The following ZIM3 variants were observed in gnomAD, a reference collection of about 807,000 sequenced individuals.
ZIM3 encodes the protein zinc finger imprinted 3.
Under a neutral mutation model 12.9 loss-of-function variants are expected in ZIM3, and 11 were observed. The ratio of observed to expected loss-of-function variants is 0.85; its 90% confidence interval spans 0.54 to 1.41. The LOEUF (loss-of-function observed/expected upper bound fraction) is 1.41, where lower values mean the gene tolerates loss of function less well. ZIM3 is among the 40% of genes most tolerant of loss of function. The probability of loss-of-function intolerance (pLI) is 0.00; values close to 1 mark genes in which losing one functional copy is unlikely to be tolerated. For missense variants in ZIM3, 604 were observed against 557.2 expected, an observed-to-expected ratio of 1.08 and a Z score of -0.85; for synonymous variants, 205 against 198.5, an observed-to-expected ratio of 1.03 and a Z score of -0.28.
intron 2 of ZIM3, among the ~76,000 whole-genome samples, chr19:57,140,243 C>A (rs1171490669): frequency 6.6e-6 from 1 of 152,122 alleles, no homozygotes; most frequent in Non-Finnish European, 1.5e-5. Context: ...GTGGCACAAT[C>A]TCGGCTCACT....
At position 57,138,549 on chromosome 19, in the gene ZIM3, C is replaced by A. The variant is rs1159435152; in HGVS notation, c.65G>T (p.Trp22Leu). 3 of 1,614,014 alleles carry A rather than the reference C, an allele frequency of 1.9e-6. No homozygotes were observed. Among genetic ancestry groups the A allele is most frequent in the Non-Finnish European group, 2.5e-6 (3 of 1,180,016 alleles). ...DVTVNFTQGE[W>L]QRLNPEQRNL... ...TCTCTGTTCGGGATTCAGCCGCTGCCACTCCCCCTGGGTGAAGTTCACAGT... is the reference window on the plus strand; with the variant it reads ...TCTCTGTTCGGGATTCAGCCGCTGCAACTCCCCCTGGGTGAAGTTCACAGT... Residue 22 changes from tryptophan to leucine, a missense_variant, in exon 3 of 5, where the codon TGG (tryptophan) becomes TTG (leucine). Trp to Leu is a moderately conservative substitution (Grantham distance 61). Transcript: ENST00000269834.
intron 1 of ZIM3, among the ~76,000 whole-genome samples, chr19:57,144,516 A>G (rs1028729811): frequency 6.6e-6 from 1 of 152,208 alleles, no homozygotes; most frequent in African/African-American, 2.4e-5. Context: ...TAGATTAATT[A>G]GCTTGATTTA....
At chr19:57,142,603 G>C in intron 2 of ZIM3, 26 bp downstream of exon 2, 1 of 1,612,808 alleles carries the variant, frequency 6.2e-7, no homozygotes, top group South Asian at 1.1e-5. Flanking sequence ...TTCATTATGA[G>C]ATTTAGATTT....
chr19:57,141,099 C>A (rs1032276558), intron 2 of ZIM3, among the ~76,000 whole-genome samples: 2 of 151,992 alleles, frequency 1.3e-5, no homozygotes, highest in African/African-American at 4.8e-5. Flanking sequence ...GAGCAATGGT[C>A]AAAAGATGCT....
intron 2 of ZIM3, 67 bp from the exon 3 acceptor site, chr19:57,138,665 T>C: frequency 6.4e-7 from 1 of 1,569,874 alleles, no homozygotes; most frequent in Non-Finnish European, 8.7e-7. Flanking sequence ...ATACAGAAAC[T>C]TGTTTCTGCT....
chr19:57,141,411 A>G (rs2086913397), intron 2 of ZIM3, among the ~76,000 whole-genome samples: 1 of 151,306 alleles, frequency 6.6e-6, no homozygotes, highest in East Asian at 1.9e-4. Flanking sequence ...AAAAAAAAAA[A>G]AAAAAAAAAA....
In ZIM3 at chr19:57,138,553, C is replaced by T. The variant is rs768960598; in HGVS notation, c.61G>A (p.Glu21Lys). ...TGTTCGGGATTCAGCCGCTGCCACT[C>T]CCCCTGGGTGAAGTTCACAGTGACA... is the stretch of plus-strand genomic sequence containing the variant. ...EDVTVNFTQG[E>K]WQRLNPEQRN... The change falls in exon 3 of 5, where the codon GAG (glutamate) becomes AAG (lysine). Residue 21 changes from glutamate (E) to lysine (K), a missense_variant. Coordinates refer to ENST00000269834, the MANE Select transcript of ZIM3 (RefSeq NM_052882.1). 1.9e-6 allele frequency: 3 copies of T among 1,613,926 alleles called. No homozygotes were observed. The highest frequency in any genetic ancestry group is 1.7e-5 in the Admixed American group (1 of 59,986).
In ZIM3 at chr19:57,135,904, A is replaced by C; in HGVS notation, c.433T>G (p.Ser145Ala). 6.2e-7 allele frequency: 1 copy of C among 1,614,062 alleles called. No homozygotes were observed. The highest frequency in any genetic ancestry group is 8.5e-7 in the Non-Finnish European group (1 of 1,180,028). The change falls in exon 5 of 5, where the codon TCT becomes GCT. Residue 145 changes from serine to alanine, a missense_variant. By Grantham distance (99) the Ser-to-Ala change is moderately conservative (BLOSUM62 1). Coordinates refer to ENST00000269834, the MANE Select transcript of ZIM3 (RefSeq NM_052882.1). Reference protein sequence around the residue: ...SSLQHYVQNNSHDDNGYRKLV... With the variant: ...SSLQHYVQNNAHDDNGYRKLV... Reference sequence around the variant, plus strand: ...TTTCTGTATCCATTATCATCGTGAGAATTATTTTGTACATAGTGTTGCAAG... The same window carrying C: ...TTTCTGTATCCATTATCATCGTGAGCATTATTTTGTACATAGTGTTGCAAG...
At position 57,135,974 on chromosome 19, in the gene ZIM3, G is replaced by C. The variant is rs150460287; in HGVS notation, c.363C>G (p.Asp121Glu). The C allele has an allele frequency of 3.1e-6, 5 of 1,613,966 alleles. No individual in the cohort carries two copies. The highest frequency in any genetic ancestry group is 4.2e-6 in the Non-Finnish European group (5 of 1,180,030). Reference protein sequence around the residue: ...TLTTQKGVECDGSKKILPLGI... With the variant: ...TLTTQKGVECEGSKKILPLGI... ...CCAGTGGAAGTATTTTCTTAGATCC[G>C]TCACATTCTACACCTTTCTGCGTAG... The change falls in exon 5 of 5, where the codon GAC becomes GAG. Residue 121 changes from aspartate (D) to glutamate (E), a missense_variant. Coordinates refer to ENST00000269834, the MANE Select transcript of ZIM3 (RefSeq NM_052882.1).
chr19:57,145,173 T>C lies in ZIM3; in HGVS notation c.-357A>G, dbSNP rs1040658911. 1.3e-5 allele frequency: 2 copies of C among 152,220 alleles called. No individual in the cohort carries two copies. Among genetic ancestry groups the C allele is most frequent in the African/African-American group, 2.4e-5 (1 of 41,446 alleles). 9.4% of individuals were successfully genotyped at this position (152,220 alleles called of 1,614,324 possible). On this transcript the variant is annotated 5_prime_UTR_variant, in exon 1 of 5. Transcript: ENST00000269834. ...AATTGTGATTGTGAAAGCTTAATTT[T>C]CAAATCTGCCCAATCAGTTTCCAAT...
chr19:57,139,847 A>G lies in ZIM3; in HGVS notation c.16-1249T>C, dbSNP rs141314603. Among the ~76,000 whole-genome samples, 66 of 152,266 alleles carry G rather than the reference A, an allele frequency of 4.3e-4. No homozygotes were observed. The Middle Eastern group carries it at 0.02, about 47-fold the overall frequency. Reference sequence around the variant, plus strand: ...TTCAGACTGGATGGTGCGCTCCCCTAATTTATCAGCTTTCCTTGCATTTGG... The same window carrying G: ...TTCAGACTGGATGGTGCGCTCCCCTGATTTATCAGCTTTCCTTGCATTTGG... On this transcript the variant is annotated intron_variant, in intron 2 of 4. Coordinates refer to ENST00000269834, the MANE Select transcript of ZIM3 (RefSeq NM_052882.1).
intron 2 of ZIM3, among the ~76,000 whole-genome samples, chr19:57,141,252 G>A (rs564852638): frequency 2.0e-5 from 3 of 151,952 alleles, no homozygotes; most frequent in South Asian, 2.1e-4. Context: ...AAAATTAGCC[G>A]GGCGTGGGCG....
At chr19:57,143,082 C>T (rs1045513160) in intron 1 of ZIM3, among the ~76,000 whole-genome samples, 4 of 152,086 alleles carry the variant, frequency 2.6e-5, no homozygotes, top group African/African-American at 9.7e-5. Flanking sequence ...AATGCCAGCA[C>T]TTTGGGAGGC....
rs760335482 is a variant in ZIM3 at position 57,135,798 on chromosome 19, G to C, written c.539C>G (p.Ser180Ter). The C allele has an allele frequency of 4.3e-6, 7 of 1,614,052 alleles. No individual in the cohort carries two copies. The highest frequency in any genetic ancestry group is 2.5e-6 in the Non-Finnish European group (3 of 1,180,016). The part of the protein sequence containing the change: ...NACRKLFSSK[S>*]RLQSHLRRHA... ...CCTCCTCAGGTGACTTTGAAGGCGT[G>C]ACTTTGAACTGAATAACTTTCTACA... The change falls in exon 5 of 5, where the codon TCA becomes TGA. Residue 180 changes from serine (S) to a stop codon, truncating the protein, a stop_gained. Coordinates refer to ENST00000269834, the MANE Select transcript of ZIM3 (RefSeq NM_052882.1). LOFTEE classifies it low-confidence loss of function (END_TRUNC).
chr19:57,144,036 G>A (rs895240076), intron 1 of ZIM3, among the ~76,000 whole-genome samples: 4 of 151,788 alleles, frequency 2.6e-5, no homozygotes, highest in Admixed American at 6.6e-5. Flanking sequence ...CAATGTTTAA[G>A]TAATAAAGTT....
intron 3 of ZIM3, among the ~76,000 whole-genome samples, chr19:57,137,930 G>A (rs1331197113): frequency 6.9e-5 from 3 of 43,634 alleles, no homozygotes; most frequent in African/African-American, 2.2e-4. Context: ...AAAGAAGGAA[G>A]GAAGGAAGGA....
chr19:57,136,162 A>G (rs1568458289), intron 4 of ZIM3, 67 bp from the exon 5 acceptor site: 3 of 1,395,972 alleles, frequency 2.1e-6, no homozygotes, highest in African/African-American at 1.4e-5. Context: ...ATAAAATGCC[A>G]TAAACAATCT....
intron 3 of ZIM3, among the ~76,000 whole-genome samples, chr19:57,137,238 A>G (rs1458711191): frequency 6.6e-6 from 1 of 152,136 alleles, no homozygotes; most frequent in African/African-American, 2.4e-5. Context: ...TAATCCCAGC[A>G]CTTTGGGAGG....
At chr19:57,143,204 G>A (rs181649602) in intron 1 of ZIM3, among the ~76,000 whole-genome samples, 2,547 of 152,024 alleles carry the variant, frequency 0.017, 36 homozygotes, top group South Asian at 0.04. Flanking sequence ...GGTGGCGGGC[G>A]CCTGTAGTCC....
Sources: gnomAD v4.1 joint callset for allele counts (sites outside exome capture counted in the v4.1 genomes callset) on GRCh38, gnomAD v4.1.1 for gene constraint, MANE v1.5 for transcripts, NCBI Gene and HGNC (gene_info 2026-07-23, HGNC 2026-07-21) for gene names.